DIAPH3: variants seen among roughly 807,000 people sequenced by gnomAD.
DIAPH3 encodes diaphanous related formin 3.
DIAPH3 carries 117 observed loss-of-function variants against 144.3 expected under a neutral mutation model. That is an observed-to-expected ratio of 0.81 (90% CI 0.70 to 0.95). The LOEUF (loss-of-function observed/expected upper bound fraction) is 0.95, where lower values mean the gene tolerates loss of function less well. Among genes scored for constraint, DIAPH3 ranks in the 40% least tolerant of loss-of-function variants. The pLI, the probability that DIAPH3 is intolerant of heterozygous loss-of-function variation, is 0.00. For synonymous variants in DIAPH3, 519 were observed against 488.9 expected (o/e 1.06, Z -0.81); for missense variants, 1,421 against 1,412.7 (o/e 1.01, Z -0.09).
At position 60,105,109 on chromosome 13, in the gene DIAPH3, A is replaced by AAACAAAAC. The variant is rs1422601195; in HGVS notation, c.390+6900_390+6901insGTTTTGTT. ...AGTGAGACACGATCTCAAAAAAAAA[A>AAACAAAAC]AAAAAAAAAAAAAAAACTGCCAGTG... On this transcript the variant is annotated intron_variant, in intron 3 of 27. Coordinates refer to ENST00000400324, the MANE Select transcript of DIAPH3 (RefSeq NM_001042517.2). Among the ~76,000 whole-genome samples, 70 of 124,290 alleles carry AAACAAAAC rather than the reference A, an allele frequency of 5.6e-4. 1 individual carries two copies. In the South Asian group the frequency reaches 0.019, roughly 33 times the overall value. The allele number at this position is 124,290 out of a possible 152,430, so 81.5% of individuals were successfully genotyped here.
chr13:59,853,820 T>C (rs2139873706), intron 22 of DIAPH3, among the ~76,000 whole-genome samples: 1 of 152,312 alleles, frequency 6.6e-6, no homozygotes, highest in South Asian at 2.1e-4. Context: ...TATTTCACAA[T>C]TTAATGATAC....
intron 1 of DIAPH3, chr13:60,147,123 T>C (rs1052358489): frequency 1.3e-5 from 2 of 152,178 alleles, no homozygotes; most frequent in Non-Finnish European, 2.9e-5. Context: ...CCAAGGCCCA[T>C]AGGTAGTCCC....
chr13:60,161,126 A>T (rs1952270879), intron 1 of DIAPH3, among the ~76,000 whole-genome samples: 1 of 152,104 alleles, frequency 6.6e-6, no homozygotes, highest in African/African-American at 2.4e-5. Context: ...TGGCCACCTA[A>T]ATTACTCCTA....
At chr13:59,763,952 G>T (rs183654465) in intron 27 of DIAPH3, among the ~76,000 whole-genome samples, 157 of 152,022 alleles carry the variant, frequency 1.0e-3, no homozygotes, top group African/African-American at 3.6e-3. Flanking sequence ...ACTGTGGGGA[G>T]GAGCAGAGTA....
chr13:59,798,378 C>T (rs1351450382), intron 25 of DIAPH3, among the ~76,000 whole-genome samples: 1 of 152,158 alleles, frequency 6.6e-6, no homozygotes, highest in Non-Finnish European at 1.5e-5. Context: ...AGCATGGTTT[C>T]TTGACTTCCA....
chr13:59,956,329 C>T (rs937036410), intron 17 of DIAPH3, among the ~76,000 whole-genome samples: 9 of 152,206 alleles, frequency 5.9e-5, no homozygotes, highest in South Asian at 2.1e-4. Context: ...CAGGGCCTTG[C>T]TGCTTTATGC....
At chr13:59,753,198 T>C (rs903533914) in intron 27 of DIAPH3, among the ~76,000 whole-genome samples, 9 of 152,202 alleles carry the variant, frequency 5.9e-5, no homozygotes, top group African/African-American at 2.2e-4. Context: ...ATAAACTTGA[T>C]GAAGCCTAAC....
intron 5 of DIAPH3, among the ~76,000 whole-genome samples, chr13:60,019,298 C>A (rs1047519686): frequency 5.3e-5 from 8 of 152,156 alleles, no homozygotes; most frequent in African/African-American, 1.9e-4. Flanking sequence ...CCTGTCAGCA[C>A]AGTACCATCA....
At chr13:60,120,232 T>C (rs889694252) in intron 2 of DIAPH3, among the ~76,000 whole-genome samples, 1 of 152,184 alleles carries the variant, frequency 6.6e-6, no homozygotes, top group East Asian at 1.9e-4. Context: ...GTCTTTACAT[T>C]TAAGCACTAG....
Position 59,986,677 on chromosome 13 carries a change from C to T in DIAPH3, c.1362-2790G>A, listed in dbSNP as rs1313104422. On this transcript the variant is annotated intron_variant, in intron 12 of 27. Transcript: ENST00000400324. Reference sequence around the variant, plus strand: ...AAAGTGGGTGAAGGACATGAACAGACACTTCTCAAAAGAAGATATTTATGC... The same window carrying T: ...AAAGTGGGTGAAGGACATGAACAGATACTTCTCAAAAGAAGATATTTATGC... Among the ~76,000 whole-genome samples, 3 of 140,424 alleles carry T rather than the reference C, an allele frequency of 2.1e-5. No individual in the cohort carries two copies. In the South Asian group the frequency reaches 7.3e-4, roughly 34 times the overall value. 92.1% of individuals were successfully genotyped at this position (140,424 alleles called of 152,430 possible).
chr13:60,026,150 T>TATAC (rs1025434764), intron 5 of DIAPH3, among the ~76,000 whole-genome samples: 1 of 152,172 alleles, frequency 6.6e-6, no homozygotes, highest in African/African-American at 2.4e-5. Flanking sequence ...TCTACTCTCT[T>TATAC]ATACATCCCC....
At chr13:59,945,100 A>C (rs2048736453) in intron 17 of DIAPH3, among the ~76,000 whole-genome samples, 1 of 152,114 alleles carries the variant, frequency 6.6e-6, no homozygotes, top group South Asian at 2.1e-4. Context: ...CTCATGCTTC[A>C]AAACAACTCA....
chr13:60,114,642 G>GAC (rs34572381), intron 2 of DIAPH3, among the ~76,000 whole-genome samples: 26,514 of 147,922 alleles, frequency 0.18, 2,429 homozygotes, highest in South Asian at 0.22. Flanking sequence ...GAATACAAAA[G>GAC]ACACACACAC....
At chr13:59,695,597 C>T (rs2033758096) in intron 27 of DIAPH3, among the ~76,000 whole-genome samples, 1 of 152,118 alleles carries the variant, frequency 6.6e-6, no homozygotes, top group Non-Finnish European at 1.5e-5. Context: ...ACATTCTTAA[C>T]AAAGAAGAGA....
At chr13:59,948,833 AAAAG>A (rs1404515041) in intron 17 of DIAPH3, among the ~76,000 whole-genome samples, 7 of 142,840 alleles carry the variant, frequency 4.9e-5, no homozygotes, top group African/African-American at 7.8e-5. Flanking sequence ...GCTTGACATA[AAAAG>A]AAAGAAGGAA....
At chr13:59,857,772 T>A (rs1344620718) in intron 22 of DIAPH3, among the ~76,000 whole-genome samples, 1 of 152,168 alleles carries the variant, frequency 6.6e-6, no homozygotes, top group Non-Finnish European at 1.5e-5. Context: ...ACATTTACTT[T>A]TAAGTTTCTT....
At chr13:59,994,831 G>A (rs902123604) in intron 9 of DIAPH3, among the ~76,000 whole-genome samples, 9 of 151,726 alleles carry the variant, frequency 5.9e-5, no homozygotes, top group Non-Finnish European at 1.2e-4. Context: ...CAGGAGAGAG[G>A]GCATAGCCTT....
At chr13:59,950,112 T>C (rs2049022901) in intron 17 of DIAPH3, among the ~76,000 whole-genome samples, 2 of 147,944 alleles carry the variant, frequency 1.4e-5, no homozygotes, top group Admixed American at 1.4e-4. Flanking sequence ...TATGTCTCCA[T>C]TTAAAACTTT....
rs1380261877 is a variant in DIAPH3, at chr13:59,980,803, A to G, written c.1537T>C (p.Tyr513His). ...TAGTGAAAACTACTTACTTTCTTGT[A>G]AAGTTCTGATGCTTTCTCTTCAAAC... is the stretch of plus-strand genomic sequence containing the variant. ...EEFEEKASEL[Y>H]KKFEKEFTDH... is the part of the protein sequence containing the mutation. Residue 513 changes from tyrosine to histidine, a missense_variant, in exon 14 of 28, where the codon TAC (tyrosine) becomes CAC (histidine). By Grantham distance (83) the Tyr-to-His change is moderately conservative (BLOSUM62 2). Coordinates refer to ENST00000400324, the MANE Select transcript of DIAPH3 (RefSeq NM_001042517.2). The G allele has an allele frequency of 3.1e-6, 5 of 1,609,236 alleles. No homozygotes were observed. Among genetic ancestry groups the G allele is most frequent in the Non-Finnish European group, 4.2e-6 (5 of 1,176,824 alleles).
Sources: gnomAD v4.1 joint callset for allele counts (sites outside exome capture counted in the v4.1 genomes callset) on GRCh38, gnomAD v4.1.1 for gene constraint, MANE v1.5 for transcripts, NCBI Gene and HGNC (gene_info 2026-07-23, HGNC 2026-07-21) for gene names.